The following PTPRN2 variants were observed in gnomAD, a reference collection of about 807,000 sequenced individuals.
PTPRN2 encodes receptor-type tyrosine-protein phosphatase N2.
A neutral mutation model predicts 118.8 loss-of-function variants in PTPRN2; 74 were observed. The ratio of observed to expected loss-of-function variants is 0.62; its 90% CI spans 0.52 to 0.76. The LOEUF is 0.76. Ranked by LOEUF, PTPRN2 falls within the 30% of genes least tolerant of loss-of-function variation. PTPRN2 has a pLI of 0.00. For missense variants in PTPRN2, 1,481 were observed against 1,394.4 expected (o/e 1.06, Z -0.99); for synonymous variants, 641 against 608.0 (o/e 1.05, Z -0.80).
chr7:158,528,098 G>A (rs1429074113), intron 1 of PTPRN2, among the ~76,000 whole-genome samples: 4 of 152,254 alleles, frequency 2.6e-5, no homozygotes, highest in Non-Finnish European at 4.4e-5. Context: ...AGCACATGGA[G>A]GAAGTTGGTG....
chr7:157,748,377 T>TTG, intron 12 of PTPRN2, among the ~76,000 whole-genome samples: 1 of 127,280 alleles, frequency 7.9e-6, no homozygotes, highest in East Asian at 2.8e-4. Flanking sequence ...GTGAGCTGCC[T>TTG]GGGTGATTTT....
intron 9 of PTPRN2, among the ~76,000 whole-genome samples, chr7:158,129,088 CCA>C (rs112270125): frequency 0.019 from 2,826 of 151,566 alleles, 70 homozygotes; most frequent in African/African-American, 0.058. Flanking sequence ...ACACACCATG[CCA>C]CACACTACAC....
chr7:158,321,525 A>G (rs1803015376), intron 2 of PTPRN2, among the ~76,000 whole-genome samples: 1 of 152,322 alleles, frequency 6.6e-6, no homozygotes, highest in African/African-American at 2.4e-5. Context: ...CCCAGCTGGA[A>G]GTGCATCACC....
rs111204901 is a variant in PTPRN2 at position 158,440,667 on chromosome 7, A to G, written c.163+49068T>C. On this transcript the variant is annotated intron_variant, in intron 2 of 22. Transcript: ENST00000389418. ...TGGCAGTAGTGATGGTGGTAGTGATAGTGACAGGGTGGTGGTGGTGGTGAT... is the reference window on the plus strand; with the variant it reads ...TGGCAGTAGTGATGGTGGTAGTGATGGTGACAGGGTGGTGGTGGTGGTGAT... 3.2e-3 allele frequency among the ~76,000 whole-genome samples: 331 copies of G among 104,042 alleles called. 8 individuals are homozygous for G. Among genetic ancestry groups the G allele is most frequent in the African/African-American group, 0.012 (317 of 26,074 alleles). The allele number at this position is 104,042 out of a possible 152,430, so 68.3% of individuals were successfully genotyped here. A position where few individuals can be genotyped will look rare whatever the true frequency, so the allele number is the denominator to read the frequency against.
chr7:157,933,472 G>C (rs1321065584), intron 11 of PTPRN2, among the ~76,000 whole-genome samples: 16 of 146,710 alleles, frequency 1.1e-4, no homozygotes, highest in African/African-American at 3.3e-4. Context: ...CTGATTGACA[G>C]TTTTAGAGGA....
At chr7:158,124,929 C>T (rs1198671668) in intron 9 of PTPRN2, among the ~76,000 whole-genome samples, 1 of 152,222 alleles carries the variant, frequency 6.6e-6, no homozygotes, top group Non-Finnish European at 1.5e-5. Flanking sequence ...AGCCGTGATG[C>T]TGGTGCGCAA....
At chr7:157,797,580 C>T (rs1327806507) in intron 12 of PTPRN2, among the ~76,000 whole-genome samples, 3 of 152,170 alleles carry the variant, frequency 2.0e-5, no homozygotes, top group Non-Finnish European at 2.9e-5. Context: ...AAGGCCCGGA[C>T]GGGAGGCGGC....
At chr7:158,316,395 T>C (rs528618092) in intron 3 of PTPRN2, among the ~76,000 whole-genome samples, 1 of 152,218 alleles carries the variant, frequency 6.6e-6, no homozygotes, top group Non-Finnish European at 1.5e-5. Flanking sequence ...TAAATTATCA[T>C]AATTTTAAAA....
At chr7:158,269,089 G>C (rs2150954351) in intron 3 of PTPRN2, among the ~76,000 whole-genome samples, 1 of 152,328 alleles carries the variant, frequency 6.6e-6, no homozygotes, top group South Asian at 2.1e-4. Context: ...GAGCACAGGA[G>C]GAGCTCCAAG....
chr7:158,320,124 C>G (rs1563133991), intron 2 of PTPRN2, among the ~76,000 whole-genome samples: 3 of 99,112 alleles, frequency 3.0e-5, no homozygotes, highest in Admixed American at 2.9e-4. Context: ...CACACACAGC[C>G]TCCCTCACAC....
chr7:157,966,392 A>T (rs1801931258), intron 11 of PTPRN2, among the ~76,000 whole-genome samples: 1 of 151,930 alleles, frequency 6.6e-6, no homozygotes, highest in Admixed American at 6.6e-5. Flanking sequence ...CATCATCTTC[A>T]TCACTATCAC....
At chr7:157,902,807 A>G (rs2128754164) in intron 11 of PTPRN2, among the ~76,000 whole-genome samples, 1 of 152,300 alleles carries the variant, frequency 6.6e-6, no homozygotes, top group South Asian at 2.1e-4. Context: ...CTGTGGTTCA[A>G]CGGCACCGTC....
At chr7:157,778,367 G>A (rs372494997) in intron 12 of PTPRN2, among the ~76,000 whole-genome samples, 6 of 151,680 alleles carry the variant, frequency 4.0e-5, no homozygotes, top group Middle Eastern at 3.4e-3. Context: ...GAATGCCCAC[G>A]TAAACATGTC....
At chr7:158,491,356 C>T (rs952866060) in intron 1 of PTPRN2, among the ~76,000 whole-genome samples, 1 of 152,234 alleles carries the variant, frequency 6.6e-6, no homozygotes, top group East Asian at 1.9e-4. Context: ...GCCCAGTGCC[C>T]ACCACCATCG....
At chr7:157,826,101 G>A (rs1236766651) in intron 12 of PTPRN2, among the ~76,000 whole-genome samples, 2 of 151,678 alleles carry the variant, frequency 1.3e-5, no homozygotes, top group Non-Finnish European at 2.9e-5. Context: ...ATCACAATGA[G>A]CGCCATTTCC....
At chr7:157,890,595 T>A (rs1452249362) in intron 12 of PTPRN2, among the ~76,000 whole-genome samples, 1 of 152,190 alleles carries the variant, frequency 6.6e-6, no homozygotes, top group Non-Finnish European at 1.5e-5. Flanking sequence ...TGAGCTGAGA[T>A]TGCGCCACTG....
At chr7:157,574,951 TC>T (rs1207755736) in intron 19 of PTPRN2, among the ~76,000 whole-genome samples, 2 of 152,246 alleles carry the variant, frequency 1.3e-5, no homozygotes, top group African/African-American at 2.4e-5. Flanking sequence ...GACGTGGCTT[TC>T]AAAACCGTGT....
intron 12 of PTPRN2, chr7:157,863,706 G>C (rs965178276): frequency 6.6e-6 from 1 of 152,240 alleles, no homozygotes. Flanking sequence ...GGGCTTTACA[G>C]AGGCGATGAA....
Position 158,285,509 on chromosome 7 carries a change from G to A in PTPRN2, c.277+31310C>T, listed in dbSNP as rs150850199. ...CTCCATCCATGCTGCTCCTGCAGGC[G>A]GGCCCCAGGAGGCTGGACCTGCTCT... On this transcript the variant is annotated intron_variant, in intron 3 of 22. Coordinates refer to ENST00000389418, the MANE Select transcript of PTPRN2 (RefSeq NM_002847.5). 2.3e-3 allele frequency among the ~76,000 whole-genome samples: 351 copies of A among 152,252 alleles called. 2 individuals carry two copies. Among genetic ancestry groups the A allele is most frequent in the African/African-American group, 7.3e-3 (303 of 41,558 alleles).
Sources: gnomAD v4.1 joint callset for allele counts (sites outside exome capture counted in the v4.1 genomes callset) on GRCh38, gnomAD v4.1.1 for gene constraint, MANE v1.5 for transcripts, NCBI Gene and HGNC (gene_info 2026-07-23, HGNC 2026-07-21) for gene names.